The following CAPN3 variants were observed in gnomAD, a reference collection of about 807,000 sequenced individuals.
The protein encoded by CAPN3 is calpain-3.
Under a neutral mutation model 114.0 loss-of-function variants are expected in CAPN3, and 88 were observed. The observed-to-expected ratio is 0.77, with a 90% CI of 0.65 to 0.92. The LOEUF (loss-of-function observed/expected upper bound fraction) is 0.92, where lower values mean the gene tolerates loss of function less well. Ranked by LOEUF, CAPN3 falls within the 40% of genes least tolerant of loss-of-function variation. The pLI is 0.00. For missense variants in CAPN3, 1,028 were observed against 1,069.0 expected (o/e 0.96, Z 0.53); for synonymous variants, 386 against 382.9 (o/e 1.01, Z -0.09).
chr15:42,385,018 T>C (rs1291518265), intron 2 of CAPN3, among the ~76,000 whole-genome samples: 3 of 152,240 alleles, frequency 2.0e-5, no homozygotes, highest in Non-Finnish European at 4.4e-5. Context: ...AAAGAGTCTT[T>C]CCACAAAGAT....
chr15:42,396,948 C>T (rs1446108355), intron 9 of CAPN3, 71 bp downstream of exon 9: 1 of 1,121,406 alleles, frequency 8.9e-7, no homozygotes, highest in Non-Finnish European at 1.4e-6. Context: ...AGACCTCAGT[C>T]CCCAGCTAAG....
In CAPN3 at chr15:42,412,128, T is replaced by C. The variant is rs1448906643; in HGVS notation, c.*355T>C. 6.5e-7 allele frequency: 1 copy of C among 1,535,944 alleles called. No individual in the cohort carries two copies. The highest frequency in any genetic ancestry group is 1.2e-5 in the South Asian group (1 of 84,056). Reference sequence around the variant, plus strand: ...CTGCCGGTGGCACTCAGCACCTCCTTGTGCTAGAGCCCTCCATCACCTTCA... The same window carrying C: ...CTGCCGGTGGCACTCAGCACCTCCTCGTGCTAGAGCCCTCCATCACCTTCA... On this transcript the variant is annotated 3_prime_UTR_variant, in exon 24 of 24. Transcript: ENST00000397163.
At chr15:42,402,457 G>T in intron 12 of CAPN3, 1 of 1,428,280 alleles carries the variant, frequency 7.0e-7, no homozygotes, top group Non-Finnish European at 9.1e-7. Flanking sequence ...TGCCCGCTTG[G>T]GATGGAGGAA....
At position 42,405,947 on chromosome 15, in the gene CAPN3, G is replaced by A. The variant is rs2054007004; in HGVS notation, c.1800+4G>A. On this transcript the variant is annotated splice_donor_region_variant and intron_variant, in intron 15 of 23. Coordinates refer to ENST00000397163, the MANE Select transcript of CAPN3 (RefSeq NM_000070.3). ...GCAGAAAAAGAAAAAAACCAAGGTA[G>A]GTGTGTGGGTAGAGAGCATGAAGTG... 6.2e-7 allele frequency: 1 copy of A among 1,611,714 alleles called. No homozygotes were observed. The highest frequency in any genetic ancestry group is 8.5e-7 in the Non-Finnish European group (1 of 1,177,826).
At chr15:42,379,709 G>T (rs913933864) in intron 1 of CAPN3, among the ~76,000 whole-genome samples, 15 of 152,102 alleles carry the variant, frequency 9.9e-5, no homozygotes, top group Admixed American at 7.9e-4. Context: ...CCTTATCTCT[G>T]ATAATTGTCC....
chr15:42,399,421 C>T (rs957626209), intron 9 of CAPN3, 71 bp from the exon 10 acceptor site: 2 of 1,165,288 alleles, frequency 1.7e-6, no homozygotes, highest in Non-Finnish European at 2.6e-6. Context: ...CTGTGTTAGT[C>T]CTGGGGTCTT....
rs929980918 is a variant in CAPN3, at chr15:42,389,832, GATCTCTCCTCTCTCCCTTTGTCTGTCCC to G, written c.802-114_802-87del. 3.8e-6 allele frequency: 4 copies of G among 1,065,966 alleles called. No homozygotes were observed. The African/African-American group carries it at 6.2e-5, about 17-fold the overall frequency. The allele number at this position is 1,065,966 out of a possible 1,614,324, so 66.0% of individuals were successfully genotyped here. On this transcript the variant is annotated intron_variant, in intron 5 of 23. Transcript: ENST00000397163. Reference sequence around the variant, plus strand: ...GTCTTTCCTCCATTCGTGCTCTGTTGATCTCTCCTCTCTCCCTTTGTCTGTCCCATCTCTTTCTCCTCTCTCCTTCCCT... The same window carrying G: ...GTCTTTCCTCCATTCGTGCTCTGTTGATCTCTTTCTCCTCTCTCCTTCCCT...
At position 42,402,836 on chromosome 15, in the gene CAPN3, T is replaced by C. The variant is rs374826325; in HGVS notation, c.1579T>C (p.Tyr527His). ...KQHLQKDFFL[Y>H]NASKARSKTY... ...GCACCTGCAGAAGGACTTCTTCCTG[T>C]ACAACGCCTCCAAGGCCAGGAGCAA... Residue 527 changes from tyrosine (Y) to histidine (H), a missense_variant, in exon 13 of 24, where the codon TAC becomes CAC. Coordinates refer to ENST00000397163, the MANE Select transcript of CAPN3 (RefSeq NM_000070.3). 2.5e-6 allele frequency: 4 copies of C among 1,614,052 alleles called. No homozygotes were observed. The African/African-American group carries it at 5.3e-5, about 22-fold the overall frequency.
chr15:42,405,109 T>A (rs2053981264), intron 14 of CAPN3: 16 of 799,636 alleles, frequency 2.0e-5, no homozygotes, highest in Non-Finnish European at 2.1e-5. Context: ...GGCCCTTGGC[T>A]CAGCTGATAG....
chr15:42,360,230 G>A, intron 1 of CAPN3, 116 bp downstream of exon 1: 3 of 1,041,442 alleles, frequency 2.9e-6, no homozygotes, highest in Non-Finnish European at 3.0e-6. Flanking sequence ...CCTGGCAGCA[G>A]CTCTGCTGGG....
intron 1 of CAPN3, among the ~76,000 whole-genome samples, chr15:42,360,895 C>T (rs889918878): frequency 2.0e-5 from 3 of 152,136 alleles, no homozygotes; most frequent in South Asian, 2.1e-4. Flanking sequence ...GTTCTTAATT[C>T]GAGAAATATT....
intron 14 of CAPN3, chr15:42,404,184 C>A (rs553844528): frequency 1.1e-5 from 5 of 458,910 alleles, no homozygotes; most frequent in African/African-American, 9.9e-5. Flanking sequence ...CCTCCACTTA[C>A]CAGCGGGGTG....
intron 5 of CAPN3, 55 bp from the exon 6 acceptor site, chr15:42,389,896 CTG>C: frequency 6.3e-7 from 1 of 1,588,564 alleles, no homozygotes; most frequent in African/African-American, 1.3e-5. Flanking sequence ...TTCCACCCTT[CTG>C]TGTTTGTTCT....
chr15:42,390,981 C>CG (rs1423909745), intron 6 of CAPN3, among the ~76,000 whole-genome samples: 26 of 151,546 alleles, frequency 1.7e-4, no homozygotes, highest in African/African-American at 6.0e-4. Context: ...TTAGTAGAGA[C>CG]GGGGTTTCAC....
Position 42,401,583 on chromosome 15 carries a change from C to A in CAPN3, c.1355-58C>A, listed in dbSNP as rs28364484. 6.5e-6 allele frequency: 10 copies of A among 1,528,234 alleles called. No individual in the cohort carries two copies. The African/African-American group carries it at 1.4e-4, about 21-fold the overall frequency. 94.7% of individuals were successfully genotyped at this position (1,528,234 alleles called of 1,614,324 possible). A position where few individuals can be genotyped will look rare whatever the true frequency, so the allele number is the denominator to read the frequency against. On this transcript the variant is annotated intron_variant, in intron 10 of 23. Transcript: ENST00000397163. ...AAATAAATGGCTCCCTCTGTCTCATCCCCTTCCTGCCCTCTGAGAGGCAGC... is the reference window on the plus strand; with the variant it reads ...AAATAAATGGCTCCCTCTGTCTCATACCCTTCCTGCCCTCTGAGAGGCAGC...
At chr15:42,375,573 G>T (rs1036904632) in intron 1 of CAPN3, among the ~76,000 whole-genome samples, 3 of 152,110 alleles carry the variant, frequency 2.0e-5, no homozygotes, top group African/African-American at 7.2e-5. Context: ...TCTGAGGAGG[G>T]CATATACAGC....
At chr15:42,389,856 G>T (rs1267166426) in intron 5 of CAPN3, 97 bp from the exon 6 acceptor site, 20 of 1,271,932 alleles carry the variant, frequency 1.6e-5, no homozygotes, top group Non-Finnish European at 2.3e-5. Flanking sequence ...CCCTTTGTCT[G>T]TCCCATCTCT....
chr15:42,378,949 A>G (rs2053165390), intron 1 of CAPN3, among the ~76,000 whole-genome samples: 1 of 152,088 alleles, frequency 6.6e-6, no homozygotes, highest in Non-Finnish European at 1.5e-5. Flanking sequence ...GGATTTTTCA[A>G]CTATCTTTTT....
chr15:42,391,864 G>A (rs934628535), intron 6 of CAPN3, among the ~76,000 whole-genome samples: 11 of 152,084 alleles, frequency 7.2e-5, no homozygotes, highest in Non-Finnish European at 1.3e-4. Context: ...GTGAGGGGAT[G>A]TAAAGAAGGC....
Sources: gnomAD v4.1 joint callset for allele counts (sites outside exome capture counted in the v4.1 genomes callset) on GRCh38, gnomAD v4.1.1 for gene constraint, MANE v1.5 for transcripts, NCBI Gene and HGNC (gene_info 2026-07-23, HGNC 2026-07-21) for gene names.